Variants in CISD2 observed in about 807,000 individuals in gnomAD.
The protein encoded by CISD2 is CDGSH iron-sulfur domain-containing protein 2.
In CISD2, 1 loss-of-function variant was observed where a neutral mutation model predicts 12.9. The ratio of observed to expected loss-of-function variants is 0.08; its 90% CI spans 0.03 to 0.37. The LOEUF (loss-of-function observed/expected upper bound fraction) is 0.37. Among genes scored for constraint, CISD2 ranks in the 10% least tolerant of loss-of-function variants. The pLI is 0.99. For synonymous variants in CISD2, 50 were observed against 60.6 expected (o/e 0.83, Z 0.81); for missense variants, 97 against 163.1 (o/e 0.59, Z 2.21).
chr4:102,877,185 T>G lies in CISD2; in HGVS notation c.103+7998T>G, dbSNP rs1733612275. Among the ~76,000 whole-genome samples the G allele has an allele frequency of 2.6e-5, 4 of 152,182 alleles. 1 individual carries two copies. The highest frequency in any genetic ancestry group is 2.0e-4 in the Admixed American group (3 of 15,274). Reference sequence around the variant, plus strand: ...AGTCTTAATTCATTTCATCATTAACTCAAAAGTCCACAGTACAGAGTCTCA... The same window carrying G: ...AGTCTTAATTCATTTCATCATTAACGCAAAAGTCCACAGTACAGAGTCTCA... On this transcript the variant is annotated intron_variant, in intron 1 of 2. Transcript: ENST00000273986.
rs985037920 is a variant in CISD2, at chr4:102,880,478, A to T, written c.104-4738A>T. On this transcript the variant is annotated intron_variant, in intron 1 of 2. Coordinates refer to ENST00000273986, the MANE Select transcript of CISD2 (RefSeq NM_001008388.5). ...CATAAATGTTATTTTTTATAATCCTAAGACAAAAATAAATAATATGCTGAA... is the reference window on the plus strand; with the variant it reads ...CATAAATGTTATTTTTTATAATCCTTAGACAAAAATAAATAATATGCTGAA... Among the ~76,000 whole-genome samples the T allele has an allele frequency of 3.9e-5, 6 of 152,262 alleles. No homozygotes were observed. The South Asian group carries it at 8.3e-4, about 21-fold the overall frequency.
intron 1 of CISD2, among the ~76,000 whole-genome samples, chr4:102,883,385 T>C (rs1248904895): frequency 1.3e-5 from 2 of 152,220 alleles, no homozygotes; most frequent in African/African-American, 4.8e-5. Flanking sequence ...CCTTGCCTTT[T>C]CCATGGAAAC....
intron 1 of CISD2, among the ~76,000 whole-genome samples, chr4:102,883,157 T>C (rs1474925703): frequency 6.6e-6 from 1 of 152,354 alleles, no homozygotes; most frequent in South Asian, 2.1e-4. Flanking sequence ...ATAACTTGCC[T>C]GTGAGCATGC....
At position 102,891,822 on chromosome 4, in the gene CISD2, A is replaced by C. The variant is rs1734261582; in HGVS notation, c.*4392A>C. On this transcript the variant is annotated 3_prime_UTR_variant, in exon 3 of 3. Transcript: ENST00000273986. ...AGATGACTTCTTCCACTTTAGGGGGAATTAAAAATCATGTTTAAAAACCAC... is the reference window on the plus strand; with the variant it reads ...AGATGACTTCTTCCACTTTAGGGGGCATTAAAAATCATGTTTAAAAACCAC... 6.6e-6 allele frequency: 1 copy of C among 152,160 alleles called. No individual in the cohort carries two copies. The highest frequency in any genetic ancestry group is 6.5e-5 in the Admixed American group (1 of 15,274). 9.4% of individuals were successfully genotyped at this position (152,160 alleles called of 1,614,324 possible).
At chr4:102,884,214 G>A (rs1478748766) in intron 1 of CISD2, among the ~76,000 whole-genome samples, 1 of 152,094 alleles carries the variant, frequency 6.6e-6, no homozygotes, top group Non-Finnish European at 1.5e-5. Context: ...TGTAAAATGG[G>A]GATAATAATG....
Position 102,888,221 on chromosome 4 carries a change from A to C in CISD2, c.*791A>C, listed in dbSNP as rs903476929. On this transcript the variant is annotated 3_prime_UTR_variant, in exon 3 of 3. Coordinates refer to ENST00000273986, the MANE Select transcript of CISD2 (RefSeq NM_001008388.5). ...ATATTAAAATAGTTCAGTGTTCAAA[A>C]TTGTGTTTATGTGGATATTTTTCTC... is the stretch of plus-strand genomic sequence containing the variant. The C allele has an allele frequency of 6.6e-6, 1 of 152,224 alleles. No individual in the cohort carries two copies. Among genetic ancestry groups the C allele is most frequent in the Non-Finnish European group, 1.5e-5 (1 of 68,054 alleles). 9.4% of individuals were successfully genotyped at this position (152,224 alleles called of 1,614,324 possible).
chr4:102,874,081 G>A lies in CISD2; in HGVS notation c.103+4894G>A, dbSNP rs1215956713. Among the ~76,000 whole-genome samples, 3 of 150,672 alleles carry A rather than the reference G, an allele frequency of 2.0e-5. 1 individual carries two copies. The highest frequency in any genetic ancestry group is 4.2e-4 in the South Asian group (2 of 4,810). The stretch of plus-strand genomic sequence containing the variant: ...GCAGAGGTCACAGTAAGCTGAGATC[G>A]TGCCACTGCACTCCAGCCTGGGCAA... On this transcript the variant is annotated intron_variant, in intron 1 of 2. Coordinates refer to ENST00000273986, the MANE Select transcript of CISD2 (RefSeq NM_001008388.5).
At position 102,869,151 on chromosome 4, in the gene CISD2, G is replaced by C. The variant is rs1733341772; in HGVS notation, c.67G>C (p.Val23Leu). Residue 23 changes from valine to leucine, a missense_variant, in exon 1 of 3, where the codon GTC becomes CTC. By Grantham distance (32) the Val-to-Leu change is conservative. Around this residue, in one of 2 missense-constraint regions of CISD2, gnomAD observed 89 missense variants for 114.4 expected, o/e 0.78. Transcript: ENST00000273986. ...CCCTGCATATCTGAAGCGGCTCCCA[G>C]TCCCTGAAAGCATTACCGGGTTCGC... ...QLPAYLKRLP[V>L]PESITGFARL... 1 of 1,612,318 alleles carries C rather than the reference G, an allele frequency of 6.2e-7. No homozygotes were observed. The highest frequency in any genetic ancestry group is 1.3e-5 in the African/African-American group (1 of 74,912).
intron 1 of CISD2, among the ~76,000 whole-genome samples, chr4:102,869,834 G>A (rs1733381831): frequency 6.6e-6 from 1 of 152,102 alleles, no homozygotes; most frequent in Non-Finnish European, 1.5e-5. Flanking sequence ...TCGAAGGCCG[G>A]TATGAGGAGT....
chr4:102,889,789 T>C lies in CISD2; in HGVS notation c.*2359T>C, dbSNP rs1734143882. The C allele has an allele frequency of 1.3e-5, 2 of 152,234 alleles. No individual in the cohort carries two copies. The highest frequency in any genetic ancestry group is 4.8e-5 in the African/African-American group (2 of 41,468). The allele number at this position is 152,234 out of a possible 1,614,324, so 9.4% of individuals were successfully genotyped here. On this transcript the variant is annotated 3_prime_UTR_variant, in exon 3 of 3. Coordinates refer to ENST00000273986, the MANE Select transcript of CISD2 (RefSeq NM_001008388.5). ...CATTATTAGCAGTTTGCATTACTTC[T>C]TGTAAATTTACACAATTTTATCTTG... is the stretch of plus-strand genomic sequence containing the variant.
At chr4:102,877,428 A>C (rs933418714) in intron 1 of CISD2, among the ~76,000 whole-genome samples, 1 of 152,216 alleles carries the variant, frequency 6.6e-6, no homozygotes, top group Admixed American at 6.5e-5. Context: ...CCTTGACCCC[A>C]TGTCACATCT....
chr4:102,873,924 G>A (rs113760219), intron 1 of CISD2, among the ~76,000 whole-genome samples: 4 of 151,900 alleles, frequency 2.6e-5, no homozygotes, highest in South Asian at 2.1e-4. Context: ...TTGGGAGTAC[G>A]AAACTAGCCT....
chr4:102,869,512 T>G (rs760402569), intron 1 of CISD2: 1 of 702,610 alleles, frequency 1.4e-6, no homozygotes, highest in Non-Finnish European at 2.6e-6. Flanking sequence ...CATCGCTCTC[T>G]GTAGCGTACT....
At chr4:102,886,852 T>C (rs1433919544) in intron 2 of CISD2, among the ~76,000 whole-genome samples, 10 of 152,212 alleles carry the variant, frequency 6.6e-5, no homozygotes, top group Non-Finnish European at 1.0e-4. Context: ...TGATGTCAAG[T>C]GATTTGTCTA....
At chr4:102,883,783 A>G (rs572910426) in intron 1 of CISD2, among the ~76,000 whole-genome samples, 11 of 152,340 alleles carry the variant, frequency 7.2e-5, no homozygotes, top group African/African-American at 2.6e-4. Context: ...CTACAAGATT[A>G]TATTCCTGAA....
rs1734216682 is a variant in CISD2, at chr4:102,890,903, C to T, written c.*3473C>T. The T allele has an allele frequency of 7.1e-6, 1 of 140,396 alleles. No homozygotes were observed. Among genetic ancestry groups the T allele is most frequent in the African/African-American group, 2.8e-5 (1 of 35,532 alleles). The allele number at this position is 140,396 out of a possible 1,614,324, so 8.7% of individuals were successfully genotyped here. A position where few individuals can be genotyped will look rare whatever the true frequency, so the allele number is the denominator to read the frequency against. ...AAATTTATTGTGGCAGAAATCAGTACGAAGTTCGTAGGACAGGAGGAAACC... is the reference window on the plus strand; with the variant it reads ...AAATTTATTGTGGCAGAAATCAGTATGAAGTTCGTAGGACAGGAGGAAACC... On this transcript the variant is annotated 3_prime_UTR_variant, in exon 3 of 3. Coordinates refer to ENST00000273986, the MANE Select transcript of CISD2 (RefSeq NM_001008388.5).
intron 1 of CISD2, among the ~76,000 whole-genome samples, chr4:102,879,385 G>GGT (rs1458047172): frequency 6.6e-6 from 1 of 152,132 alleles, no homozygotes; most frequent in Non-Finnish European, 1.5e-5. Flanking sequence ...GATTGGGAAA[G>GGT]TACTACAAGA....
chr4:102,890,976 G>A lies in CISD2; in HGVS notation c.*3546G>A, dbSNP rs1734220286. 6.6e-6 allele frequency: 1 copy of A among 150,702 alleles called. No homozygotes were observed. The highest frequency in any genetic ancestry group is 2.5e-5 in the African/African-American group (1 of 40,242). 9.3% of individuals were successfully genotyped at this position (150,702 alleles called of 1,614,324 possible). On this transcript the variant is annotated 3_prime_UTR_variant, in exon 3 of 3. Coordinates refer to ENST00000273986, the MANE Select transcript of CISD2 (RefSeq NM_001008388.5). ...AGGAAATTTAACCCATGGAAAGCAG[G>A]GGTGAATTAAAGACCACTTTGAAGG...
intron 1 of CISD2, among the ~76,000 whole-genome samples, chr4:102,879,510 C>T (rs938912115): frequency 2.6e-5 from 4 of 152,054 alleles, no homozygotes; most frequent in African/African-American, 7.2e-5. Context: ...TGGCCAGGTG[C>T]GGTGGCTAAT....
Sources: allele counts gnomAD v4.1 joint callset (sites outside exome capture counted in the v4.1 genomes callset), GRCh38; gene constraint gnomAD v4.1.1; regional missense constraint gnomAD v4.1.1; transcripts MANE v1.5; gene names NCBI Gene and HGNC (gene_info 2026-07-23, HGNC 2026-07-21).